HS3ST4: variants seen among roughly 807,000 people sequenced by gnomAD.
HS3ST4 encodes heparan sulfate-glucosamine 3-sulfotransferase 4.
Under a neutral mutation model 29.2 loss-of-function variants are expected in HS3ST4, and 17 were observed. That is an observed-to-expected ratio of 0.58 (90% CI 0.40 to 0.87). The LOEUF is 0.87. Among genes scored for constraint, HS3ST4 ranks in the 40% least tolerant of loss-of-function variants. The probability of loss-of-function intolerance (pLI) is 0.00; values close to 1 mark genes in which losing one functional copy is unlikely to be tolerated. For missense variants in HS3ST4, 627 were observed against 634.5 expected (o/e 0.99, Z 0.13); for synonymous variants, 314 against 285.7 (o/e 1.10, Z -1.00).
intron 1 of HS3ST4, among the ~76,000 whole-genome samples, chr16:25,976,347 C>T (rs894046536): frequency 6.6e-6 from 1 of 152,054 alleles, no homozygotes; most frequent in Non-Finnish European, 1.5e-5. Context: ...ACTCTGTCAC[C>T]CAGACTGGAG....
chr16:25,918,883 G>A (rs145717040), intron 1 of HS3ST4, among the ~76,000 whole-genome samples: 117 of 152,314 alleles, frequency 7.7e-4, no homozygotes, highest in African/African-American at 2.6e-3. Context: ...GGTAGTATAT[G>A]TGTGTGACAT....
intron 1 of HS3ST4, among the ~76,000 whole-genome samples, chr16:26,014,102 G>A (rs544463130): frequency 2.6e-5 from 4 of 151,680 alleles, no homozygotes; most frequent in East Asian, 1.9e-4. Flanking sequence ...TTTCTCTTCC[G>A]CTATTTTGCT....
intron 1 of HS3ST4, among the ~76,000 whole-genome samples, chr16:25,814,618 A>G (rs552658918): frequency 1.3e-5 from 2 of 152,312 alleles, no homozygotes; most frequent in South Asian, 4.1e-4. Context: ...CGCTGGGATT[A>G]CAGGGGTGAG....
At chr16:26,083,247 A>T (rs1257408943) in intron 1 of HS3ST4, among the ~76,000 whole-genome samples, 1 of 152,182 alleles carries the variant, frequency 6.6e-6, no homozygotes, top group Non-Finnish European at 1.5e-5. Context: ...TATTTCTATC[A>T]CTTATTCCCC....
chr16:26,006,296 T>C (rs1331994530), intron 1 of HS3ST4, among the ~76,000 whole-genome samples: 2 of 93,024 alleles, frequency 2.1e-5, no homozygotes, highest in Admixed American at 1.1e-4. Context: ...GAGACTCTGT[T>C]TCAGAAAAAA....
chr16:26,080,767 A>G (rs922124224), intron 1 of HS3ST4, among the ~76,000 whole-genome samples: 8 of 152,064 alleles, frequency 5.3e-5, no homozygotes, highest in African/African-American at 9.7e-5. Context: ...TAAACCCAAC[A>G]TGCTCCAGCA....
chr16:25,970,772 C>T (rs1054272639), intron 1 of HS3ST4, among the ~76,000 whole-genome samples: 4 of 152,068 alleles, frequency 2.6e-5, no homozygotes, highest in Admixed American at 6.5e-5. Flanking sequence ...CCTGCCTTCA[C>T]CCATTTTTTT....
intron 1 of HS3ST4, among the ~76,000 whole-genome samples, chr16:25,756,572 AAAG>A (rs1966760063): frequency 6.6e-6 from 1 of 152,202 alleles, no homozygotes; most frequent in African/African-American, 2.4e-5. Context: ...ATTTCACTCC[AAAG>A]AAGATCGCAG....
chr16:25,850,918 T>TA (rs1376692181), intron 1 of HS3ST4, among the ~76,000 whole-genome samples: 2 of 152,234 alleles, frequency 1.3e-5, no homozygotes, highest in Non-Finnish European at 2.9e-5. Flanking sequence ...CATAAGGCGA[T>TA]ACTGTGTCTG....
At chr16:25,717,510 GGTGTGTGTGTGTGTGTGTGT>G (rs763190199) in intron 1 of HS3ST4, among the ~76,000 whole-genome samples, 1 of 132,830 alleles carries the variant, frequency 7.5e-6, no homozygotes, top group Non-Finnish European at 1.6e-5. Context: ...AAGGTGAAGG[GGTGTGTGTGTGTGTGTGTGT>G]GTGTGTGTGT....
At chr16:25,882,390 C>A (rs143259757) in intron 1 of HS3ST4, among the ~76,000 whole-genome samples, 2 of 152,080 alleles carry the variant, frequency 1.3e-5, no homozygotes, top group Non-Finnish European at 2.9e-5. Flanking sequence ...AATTTCCTTT[C>A]GGTTCCAGGA....
At chr16:25,967,625 A>G (rs540582065) in intron 1 of HS3ST4, among the ~76,000 whole-genome samples, 169 of 152,338 alleles carry the variant, frequency 1.1e-3, no homozygotes, top group African/African-American at 3.8e-3. Context: ...GTTTCTCTCT[A>G]GACCATTTCC....
intron 1 of HS3ST4, among the ~76,000 whole-genome samples, chr16:25,986,880 A>G (rs893684670): frequency 6.6e-6 from 1 of 152,266 alleles, no homozygotes; most frequent in South Asian, 2.1e-4. Flanking sequence ...TTGTTTTGCC[A>G]CTGCGCTACA....
intron 1 of HS3ST4, among the ~76,000 whole-genome samples, chr16:25,899,554 G>A (rs1364527338): frequency 6.6e-6 from 1 of 152,008 alleles, no homozygotes; most frequent in East Asian, 1.9e-4. Flanking sequence ...TGCCCAGGCT[G>A]GAGTGCAGTG....
At chr16:25,756,762 G>A (rs1023747152) in intron 1 of HS3ST4, among the ~76,000 whole-genome samples, 3 of 152,134 alleles carry the variant, frequency 2.0e-5, no homozygotes, top group Non-Finnish European at 4.4e-5. Flanking sequence ...AAGAATTACA[G>A]TGGAGTTGAA....
intron 1 of HS3ST4, among the ~76,000 whole-genome samples, chr16:25,876,466 T>C (rs1190221394): frequency 1.3e-5 from 2 of 152,098 alleles, no homozygotes; most frequent in African/African-American, 4.8e-5. Context: ...GTTTCTCTTA[T>C]TAGGATTGCA....
chr16:25,873,088 G>T (rs1967772973), intron 1 of HS3ST4, among the ~76,000 whole-genome samples: 1 of 152,012 alleles, frequency 6.6e-6, no homozygotes, highest in Non-Finnish European at 1.5e-5. Context: ...GGCTTTTGTG[G>T]AGTTCTAACT....
In HS3ST4 at chr16:26,016,306, G is replaced by A. The variant is rs189970459; in HGVS notation, c.735-119306G>A. On this transcript the variant is annotated intron_variant, in intron 1 of 1. Coordinates refer to ENST00000331351, the MANE Select transcript of HS3ST4 (RefSeq NM_006040.3). Reference sequence around the variant, plus strand: ...TGTTGTCTACCCTGACACAGTCTAGGTCAGAGTAACTCATAGGTATAAAAG... The same window carrying A: ...TGTTGTCTACCCTGACACAGTCTAGATCAGAGTAACTCATAGGTATAAAAG... Among the ~76,000 whole-genome samples, 1,260 of 152,262 alleles carry A rather than the reference G, an allele frequency of 8.3e-3. 5 individuals carry two copies. Among genetic ancestry groups the A allele is most frequent in the Middle Eastern group, 0.027 (8 of 294 alleles).
chr16:26,136,474 C>T lies in HS3ST4; in HGVS notation c.*226C>T. On this transcript the variant is annotated 3_prime_UTR_variant, in exon 2 of 2. Transcript: ENST00000331351. ...CATCTGGGCAGCAGCATCTGGTTGA[C>T]CAGATGGCCACCAGAACCCACTGTT... 1 of 573,296 alleles carries T rather than the reference C, an allele frequency of 1.7e-6. No homozygotes were observed. The highest frequency in any genetic ancestry group is 2.9e-5 in the East Asian group (1 of 34,520). The allele number at this position is 573,296 out of a possible 1,614,324, so 35.5% of individuals were successfully genotyped here.
Sources: allele counts gnomAD v4.1 joint callset (sites outside exome capture counted in the v4.1 genomes callset), GRCh38; gene constraint gnomAD v4.1.1; transcripts MANE v1.5; gene names NCBI Gene and HGNC (gene_info 2026-07-23, HGNC 2026-07-21).